Variants in CTIF observed in about 807,000 individuals in gnomAD.
CTIF encodes the protein CBP80/20-dependent translation initiation factor.
Under a neutral mutation model 66.0 loss-of-function variants are expected in CTIF, and 21 were observed. That is an observed-to-expected ratio of 0.32 (90% CI 0.23 to 0.46). The LOEUF is 0.46. Among genes scored for constraint, CTIF ranks in the 20% least tolerant of loss-of-function variants. The pLI, the probability that CTIF is intolerant of heterozygous loss-of-function variation, is 1.00. For missense variants in CTIF, 739 were observed against 812.7 expected (o/e 0.91, Z 1.10); for synonymous variants, 345 against 326.4 (o/e 1.06, Z -0.62).
In CTIF at chr18:48,759,711, C is replaced by A. The variant is rs566356478; in HGVS notation, c.1071+1306C>A. On this transcript the variant is annotated intron_variant, in intron 8 of 11. Coordinates refer to ENST00000256413, the MANE Select transcript of CTIF (RefSeq NM_014772.3). ...TGAAGGTTAAATGAAATAACGTGTA[C>A]AGATATGTTCTTGTGGGTATTCCTA... 2.6e-5 allele frequency among the ~76,000 whole-genome samples: 4 copies of A among 152,374 alleles called. No individual in the cohort carries two copies. In the South Asian group the frequency reaches 8.3e-4, roughly 32 times the overall value.
chr18:48,651,002 C>T (rs375757414), intron 3 of CTIF, among the ~76,000 whole-genome samples: 9 of 152,136 alleles, frequency 5.9e-5, no homozygotes, highest in African/African-American at 2.2e-4. Flanking sequence ...AAGCACTAAA[C>T]GTGGAAAGGA....
chr18:48,858,345 T>C (rs952508751), intron 11 of CTIF, among the ~76,000 whole-genome samples: 3 of 152,224 alleles, frequency 2.0e-5, no homozygotes, highest in Non-Finnish European at 2.9e-5. Context: ...TCTGTGGGAC[T>C]CAGTTTGTTT....
At chr18:48,855,784 G>A (rs542231171) in intron 10 of CTIF, among the ~76,000 whole-genome samples, 155 of 152,338 alleles carry the variant, frequency 1.0e-3, no homozygotes, top group Admixed American at 4.4e-3. Context: ...TCTCCAGGAC[G>A]TTTTACCAGG....
intron 2 of CTIF, among the ~76,000 whole-genome samples, chr18:48,620,336 G>A (rs1394097987): frequency 6.6e-6 from 1 of 152,172 alleles, no homozygotes; most frequent in African/African-American, 2.4e-5. Context: ...TTGGAGGGGA[G>A]ATGGACTCAT....
intron 7 of CTIF, among the ~76,000 whole-genome samples, chr18:48,749,294 C>G (rs1907561406): frequency 6.6e-6 from 1 of 152,178 alleles, no homozygotes; most frequent in Admixed American, 6.5e-5. Context: ...AGGCTTTGGG[C>G]TGGGGATAAA....
At chr18:48,650,839 A>C (rs1446775953) in intron 3 of CTIF, among the ~76,000 whole-genome samples, 1 of 31,644 alleles carries the variant, frequency 3.2e-5, no homozygotes, top group African/African-American at 6.1e-5. Context: ...TAAAGAAAAG[A>C]ATTTTCAAAA....
intron 5 of CTIF, among the ~76,000 whole-genome samples, chr18:48,670,017 G>A (rs929567885): frequency 6.6e-6 from 1 of 151,330 alleles, no homozygotes; most frequent in African/African-American, 2.4e-5. Flanking sequence ...TGAGTACAGA[G>A]AGGTTAAACA....
intron 1 of CTIF, among the ~76,000 whole-genome samples, chr18:48,560,517 G>A (rs985324500): frequency 6.6e-6 from 1 of 151,270 alleles, no homozygotes; most frequent in Non-Finnish European, 1.5e-5. Flanking sequence ...GAGCCACCAC[G>A]CCCGGCTTGG....
chr18:48,857,691 C>T, intron 11 of CTIF, 50 bp downstream of exon 11: 1 of 1,551,014 alleles, frequency 6.4e-7, no homozygotes, highest in Non-Finnish European at 8.8e-7. Flanking sequence ...GTGCATCTCT[C>T]ATGCCTTAAC....
chr18:48,644,400 G>T (rs2090988750), intron 3 of CTIF, among the ~76,000 whole-genome samples: 1 of 152,180 alleles, frequency 6.6e-6, no homozygotes, highest in South Asian at 2.1e-4. Context: ...TCGGGCCTGG[G>T]TCACATGCCC....
intron 1 of CTIF, among the ~76,000 whole-genome samples, chr18:48,561,084 C>G (rs1344998196): frequency 6.6e-6 from 1 of 151,878 alleles, no homozygotes; most frequent in African/African-American, 2.4e-5. Flanking sequence ...ACTAAAAATA[C>G]AAAAATTAGC....
intron 7 of CTIF, among the ~76,000 whole-genome samples, chr18:48,730,912 G>A (rs761798167): frequency 1.1e-4 from 17 of 152,084 alleles, no homozygotes; most frequent in South Asian, 8.3e-4. Context: ...GCTCTAGGAC[G>A]TTTTCATCAT....
At chr18:48,619,314 C>T (rs1465987816) in intron 1 of CTIF, among the ~76,000 whole-genome samples, 1 of 152,242 alleles carries the variant, frequency 6.6e-6, no homozygotes, top group African/African-American at 2.4e-5. Flanking sequence ...AAGTGGCCTG[C>T]ATTCCCTGGG....
At chr18:48,763,532 T>A (rs140664880) in intron 9 of CTIF, among the ~76,000 whole-genome samples, 69 of 152,318 alleles carry the variant, frequency 4.5e-4, no homozygotes, top group South Asian at 2.1e-3. Context: ...TCCGTTTAAC[T>A]CAACAAAGTC....
chr18:48,781,268 G>A (rs1911186974), intron 9 of CTIF, among the ~76,000 whole-genome samples: 1 of 152,248 alleles, frequency 6.6e-6, no homozygotes, highest in African/African-American at 2.4e-5. Flanking sequence ...CGCAGCGGGG[G>A]CCGGGCCTGC....
At chr18:48,612,611 G>A (rs563951414) in intron 1 of CTIF, among the ~76,000 whole-genome samples, 3 of 152,318 alleles carry the variant, frequency 2.0e-5, no homozygotes, top group East Asian at 1.9e-4. Context: ...GGGTGAAGAC[G>A]CCAGTGGCTG....
chr18:48,736,480 C>T (rs977151026), intron 7 of CTIF, among the ~76,000 whole-genome samples: 11 of 152,214 alleles, frequency 7.2e-5, no homozygotes, highest in Non-Finnish European at 1.3e-4. Context: ...CTTCATGGAA[C>T]GCTCCACCCA....
At chr18:48,663,937 G>T in intron 4 of CTIF, 112 bp downstream of exon 4, 1 of 982,474 alleles carries the variant, frequency 1.0e-6, no homozygotes, top group Non-Finnish European at 1.6e-6. Flanking sequence ...GAGAGAAGCA[G>T]AGTAGGGGAT....
chr18:48,826,786 T>C (rs941150708), intron 10 of CTIF: 2 of 152,244 alleles, frequency 1.3e-5, no homozygotes, highest in Non-Finnish European at 2.9e-5. Flanking sequence ...CTGCGAAGTT[T>C]CCTAGTAGTA....
Sources: allele counts gnomAD v4.1 joint callset (sites outside exome capture counted in the v4.1 genomes callset), GRCh38; gene constraint gnomAD v4.1.1; transcripts MANE v1.5; gene names NCBI Gene and HGNC (gene_info 2026-07-23, HGNC 2026-07-21).